ANK3: variants seen among roughly 807,000 people sequenced by gnomAD.
ANK3 encodes ankyrin 3.
A neutral mutation model predicts 370.9 loss-of-function variants in ANK3; 57 were observed. That is an observed-to-expected ratio of 0.15 (90% CI 0.12 to 0.19). The LOEUF (loss-of-function observed/expected upper bound fraction) is 0.19. Among genes scored for constraint, ANK3 ranks in the 10% least tolerant of loss-of-function variants. The pLI, the probability that ANK3 is intolerant of heterozygous loss-of-function variation, is 1.00. For synonymous variants in ANK3, 1,929 were observed against 1,946.3 expected, an observed-to-expected ratio of 0.99 and a Z score of 0.23; for missense variants, 4,439 against 5,302.1, an observed-to-expected ratio of 0.84 and a Z score of 5.06.
chr10:60,041,418 A>G (rs1347521912), intron 43 of ANK3, among the ~76,000 whole-genome samples: 2 of 152,214 alleles, frequency 1.3e-5, no homozygotes, highest in African/African-American at 4.8e-5. Context: ...ACAAGTGGAC[A>G]CTGGAGGCAG....
Position 60,059,402 on chromosome 10 carries a change from G to C in ANK3, c.12624C>G (p.Asn4208Lys). The C allele has an allele frequency of 6.2e-7, 1 of 1,614,036 alleles. No homozygotes were observed. Among genetic ancestry groups the C allele is most frequent in the Non-Finnish European group, 8.5e-7 (1 of 1,179,972 alleles). Reference protein sequence around the residue: ...DGWQNETSSGNLESCAQARRV... With the variant: ...DGWQNETSSGKLESCAQARRV... ...TTCGAGCTTGAGCGCAGGACTCTAG[G>C]TTTCCACTTGATGTCTCATTCTGCC... Residue 4208 changes from asparagine to lysine, a missense_variant, in exon 41 of 44, where the codon AAC becomes AAG. By Grantham distance (94) the Asn-to-Lys change is moderately conservative (BLOSUM62 0). This residue lies in a region of ANK3 where 242 missense variants were observed against 228.0 expected (regional missense o/e 1.06). Coordinates refer to ENST00000280772, the MANE Select transcript of ANK3 (RefSeq NM_020987.5).
intron 42 of ANK3, chr10:60,043,775 G>C: frequency 1.0e-6 from 1 of 985,440 alleles, no homozygotes; most frequent in South Asian, 4.7e-5. Flanking sequence ...CTGCTCTGAG[G>C]TTTGGTGGTG....
chr10:60,394,362 T>C (rs913053798), upstream of ANK3, among the ~76,000 whole-genome samples: 10 of 152,112 alleles, frequency 6.6e-5, no homozygotes, highest in African/African-American at 2.2e-4. Context: ...CTGGATAGCA[T>C]TGAGGGACTG....
At chr10:60,250,014 A>G (rs1358429400) in intron 7 of ANK3, among the ~76,000 whole-genome samples, 1 of 152,236 alleles carries the variant, frequency 6.6e-6, no homozygotes, top group Non-Finnish European at 1.5e-5. Context: ...CATATGATGG[A>G]CTATACCTAA....
rs761062053 is a variant in ANK3 at position 60,059,317 on chromosome 10, T to C, written c.12686+23A>G. Reference sequence around the variant, plus strand: ...ATTAACAAGTAACCTGTGTTCACTTTCCTTTTTTTGAAACAGCCATACCTG... The same window carrying C: ...ATTAACAAGTAACCTGTGTTCACTTCCCTTTTTTTGAAACAGCCATACCTG... On this transcript the variant is annotated intron_variant, in intron 41 of 43. Coordinates refer to ENST00000280772, the MANE Select transcript of ANK3 (RefSeq NM_020987.5). 38 of 1,597,854 alleles carry C rather than the reference T, an allele frequency of 2.4e-5. No homozygotes were observed. The Middle Eastern group carries it at 5.0e-4, about 21-fold the overall frequency.
chr10:60,032,194 CTTTTTTTTTTTTTTTTTTTTT>C (rs552219776), intron 43 of ANK3, among the ~76,000 whole-genome samples: 2 of 43,114 alleles, frequency 4.6e-5, no homozygotes, highest in African/African-American at 1.6e-4. Flanking sequence ...TACACAGCTT[CTTTTTTTTTTTTTTTTTTTTT>C]TTTTGAGACG....
chr10:60,320,805 G>A (rs2048467413), intron 1 of ANK3, among the ~76,000 whole-genome samples: 1 of 152,034 alleles, frequency 6.6e-6, no homozygotes, highest in African/African-American at 2.4e-5. Flanking sequence ...ACCAAACAGG[G>A]TGTTCTCAAT....
intron 21 of ANK3, among the ~76,000 whole-genome samples, chr10:60,171,909 C>A (rs909067661): frequency 6.6e-6 from 1 of 152,050 alleles, no homozygotes; most frequent in Admixed American, 6.6e-5. Context: ...ATCCATGTAC[C>A]ATTTGTGCAT....
chr10:60,222,250 G>A (rs1163355518), intron 8 of ANK3, among the ~76,000 whole-genome samples: 1 of 152,128 alleles, frequency 6.6e-6, no homozygotes, highest in Admixed American at 6.5e-5. Context: ...CACAGGCAGC[G>A]CTGGCCCAGC....
intron 42 of ANK3, among the ~76,000 whole-genome samples, chr10:60,049,591 A>G (rs899658924): frequency 2.6e-5 from 4 of 152,200 alleles, no homozygotes; most frequent in African/African-American, 9.6e-5. Flanking sequence ...GTCTCAAAAA[A>G]AAAGTATTTG....
intron 28 of ANK3, among the ~76,000 whole-genome samples, chr10:60,104,388 A>AGGAAG (rs869061033): frequency 8.4e-6 from 1 of 119,620 alleles, no homozygotes; most frequent in African/African-American, 3.1e-5. Context: ...AAAAAAAAAA[A>AGGAAG]AAAAGAAACA....
chr10:60,353,162 T>TC (rs1555329787), intron 1 of ANK3, among the ~76,000 whole-genome samples: 1 of 150,256 alleles, frequency 6.7e-6, no homozygotes, highest in East Asian at 1.9e-4. Context: ...TGTTTTGTTT[T>TC]TTTTTTTTTT....
intron 1 of ANK3, among the ~76,000 whole-genome samples, chr10:60,346,397 C>T (rs190759520): frequency 1.2e-3 from 186 of 152,180 alleles, no homozygotes; most frequent in African/African-American, 4.2e-3. Context: ...TAAGGAAACC[C>T]TTCAATCAAA....
intron 1 of ANK3, among the ~76,000 whole-genome samples, chr10:60,379,880 A>C (rs1043327074): frequency 6.6e-6 from 1 of 152,134 alleles, no homozygotes; most frequent in African/African-American, 2.4e-5. Flanking sequence ...CCAACACACA[A>C]AAAAATAAAT....
At chr10:60,707,571 C>T (rs950562331) in intron 1 of ANK3, among the ~76,000 whole-genome samples, 3 of 151,558 alleles carry the variant, frequency 2.0e-5, no homozygotes, top group Admixed American at 1.3e-4. Context: ...AGTTCTGATA[C>T]ACTTAGACAT....
At chr10:60,061,209 T>TATGGTCATCTATAAA (rs1434003110) in intron 40 of ANK3, among the ~76,000 whole-genome samples, 2 of 152,228 alleles carry the variant, frequency 1.3e-5, no homozygotes, top group Non-Finnish European at 2.9e-5. Context: ...TAAACCAGAC[T>TATGGTCATCTATAAA]CTTGTTGAAA....
At chr10:60,051,748 A>C (rs1186377191) in intron 42 of ANK3, 1 of 160,686 alleles carries the variant, frequency 6.2e-6, no homozygotes, top group South Asian at 2.0e-4. Flanking sequence ...GTGGAAGAAA[A>C]TTTTTGACCA....
At chr10:60,167,801 A>G (rs983982782) in intron 21 of ANK3, among the ~76,000 whole-genome samples, 2 of 152,180 alleles carry the variant, frequency 1.3e-5, no homozygotes, top group African/African-American at 4.8e-5. Context: ...AGTTTCTTAG[A>G]GATAATACTT....
chr10:60,648,844 C>T (rs1300768818), intron 1 of ANK3, among the ~76,000 whole-genome samples: 1 of 132,906 alleles, frequency 7.5e-6, no homozygotes, highest in African/African-American at 2.7e-5. Context: ...ACACCCCTTC[C>T]AGCTATTTCC....
Sources: allele counts gnomAD v4.1 joint callset (sites outside exome capture counted in the v4.1 genomes callset), GRCh38; gene constraint gnomAD v4.1.1; regional missense constraint gnomAD v4.1.1; transcripts MANE v1.5; gene names NCBI Gene and HGNC (gene_info 2026-07-23, HGNC 2026-07-21).